OSBPL9: variants seen among roughly 807,000 people sequenced by gnomAD.
OSBPL9 encodes the protein oxysterol-binding protein-related protein 9.
In OSBPL9, 40 loss-of-function variants were observed where a neutral mutation model predicts 106.6. The ratio of observed to expected loss-of-function variants is 0.38; its 90% CI spans 0.29 to 0.49. The LOEUF is 0.49. Among genes scored for constraint, OSBPL9 ranks in the 20% least tolerant of loss-of-function variants. The probability of loss-of-function intolerance (pLI) is 0.97; values close to 1 mark genes in which losing one functional copy is unlikely to be tolerated. For missense variants in OSBPL9, 609 were observed against 887.2 expected, an observed-to-expected ratio of 0.69 and a Z score of 3.98; for synonymous variants, 269 against 295.4, an observed-to-expected ratio of 0.91 and a Z score of 0.92.
chr1:51,596,617 T>TA (rs1158408663), intron 1 of OSBPL9, among the ~76,000 whole-genome samples: 1 of 137,506 alleles, frequency 7.3e-6, no homozygotes, highest in Non-Finnish European at 1.6e-5. Flanking sequence ...CCATCCCTAC[T>TA]AAAAATACAA....
rs1650117728 is a variant in OSBPL9, at chr1:51,672,489, C to T, written c.241+2977C>T. ...TTCCTTTATGCTCCTGTCAGTCAGT[C>T]CCCAGCCCCAGCCCCCGGCCCCAGG... On this transcript the variant is annotated intron_variant, in intron 3 of 23. Coordinates refer to ENST00000428468, the MANE Select transcript of OSBPL9 (RefSeq NM_024586.6). Among the ~76,000 whole-genome samples, 4 of 152,180 alleles carry T rather than the reference C, an allele frequency of 2.6e-5. No homozygotes were observed. In the South Asian group the frequency reaches 8.3e-4, roughly 32 times the overall value.
At chr1:51,732,970 T>G (rs1399993054) in intron 4 of OSBPL9, among the ~76,000 whole-genome samples, 2 of 152,230 alleles carry the variant, frequency 1.3e-5, no homozygotes, top group Non-Finnish European at 2.9e-5. Context: ...GTTATTTGTC[T>G]TTTCACAGCC....
intron 2 of OSBPL9, among the ~76,000 whole-genome samples, chr1:51,612,088 C>T (rs1317203215): frequency 7.2e-5 from 11 of 152,232 alleles, no homozygotes; most frequent in Non-Finnish European, 1.2e-4. Context: ...ACTCCCTCCT[C>T]ATTTAATTCC....
At chr1:51,678,927 G>A (rs964254278) in intron 3 of OSBPL9, among the ~76,000 whole-genome samples, 1 of 152,170 alleles carries the variant, frequency 6.6e-6, no homozygotes, top group African/African-American at 2.4e-5. Flanking sequence ...GCCATTATCA[G>A]TAGGACTGTT....
intron 4 of OSBPL9, among the ~76,000 whole-genome samples, chr1:51,720,841 A>G (rs1571316171): frequency 8.1e-6 from 1 of 123,026 alleles, no homozygotes; most frequent in African/African-American, 3.2e-5. Flanking sequence ...TCTGTTTCCC[A>G]GGTTGGAGTA....
chr1:51,722,429 GCCT>G (rs1257533659), intron 4 of OSBPL9, among the ~76,000 whole-genome samples: 1 of 152,078 alleles, frequency 6.6e-6, no homozygotes, highest in Non-Finnish European at 1.5e-5. Context: ...CAAAAATATG[GCCT>G]CCTGTCATTG....
intron 4 of OSBPL9, among the ~76,000 whole-genome samples, chr1:51,738,636 T>C (rs779043137): frequency 1.9e-4 from 29 of 152,164 alleles, no homozygotes; most frequent in Non-Finnish European, 1.9e-4. Context: ...TTGTCTGTTA[T>C]TCATTTCTTT....
chr1:51,787,230 G>C lies in OSBPL9; in HGVS notation c.2001-123G>C. ...CTTACTCCAGTGCCCTGGTGCCAGC[G>C]TAAGGAGATTTAGTCTGTGACCTAC... is the stretch of plus-strand genomic sequence containing the variant. On this transcript the variant is annotated intron_variant, in intron 22 of 23. Transcript: ENST00000428468. 3 of 915,898 alleles carry C rather than the reference G, an allele frequency of 3.3e-6. No individual in the cohort carries two copies. The South Asian group carries it at 4.8e-5, about 15-fold the overall frequency. The allele number at this position is 915,898 out of a possible 1,614,324, so 56.7% of individuals were successfully genotyped here. A position where few individuals can be genotyped will look rare whatever the true frequency, so the allele number is the denominator to read the frequency against.
chr1:51,597,412 T>TATAC (rs1645305035), intron 1 of OSBPL9, among the ~76,000 whole-genome samples: 1 of 94,668 alleles, frequency 1.1e-5, no homozygotes, highest in Non-Finnish European at 2.6e-5. Context: ...TATGTGTGTA[T>TATAC]ATATATATAT....
At chr1:51,603,611 C>G (rs1645333645) in intron 2 of OSBPL9, among the ~76,000 whole-genome samples, 1 of 152,220 alleles carries the variant, frequency 6.6e-6, no homozygotes, top group African/African-American at 2.4e-5. Context: ...GTTCTGGTCT[C>G]TAAGAGTCCT....
At chr1:51,751,656 A>G (rs1159602226) in intron 8 of OSBPL9, among the ~76,000 whole-genome samples, 1 of 152,186 alleles carries the variant, frequency 6.6e-6, no homozygotes, top group Non-Finnish European at 1.5e-5. Context: ...TTGAGTGACT[A>G]GGTATTTTAG....
intron 8 of OSBPL9, among the ~76,000 whole-genome samples, chr1:51,753,047 G>A (rs1022413674): frequency 2.6e-5 from 4 of 152,080 alleles, no homozygotes; most frequent in Admixed American, 6.5e-5. Flanking sequence ...ACTTTTAATG[G>A]TTGCATGGTT....
Position 51,772,670 on chromosome 1 carries a change from A to G in OSBPL9, c.1117A>G (p.Ser373Gly). 6.2e-7 allele frequency: 1 copy of G among 1,614,170 alleles called. No homozygotes were observed. Among genetic ancestry groups the G allele is most frequent in the Non-Finnish European group, 8.5e-7 (1 of 1,180,038 alleles). Residue 373 changes from serine (S) to glycine (G), a missense_variant, in exon 14 of 24, where the codon AGC becomes GGC. By Grantham distance (56) the Ser-to-Gly change is moderately conservative. This residue lies in a region of OSBPL9 where 356 missense variants were observed against 505.8 expected (regional missense o/e 0.70). Transcript: ENST00000428468. The part of the protein sequence containing the change: ...AEAGSVEEHK[S>G]VIMHLLSQVR... ...GGCAGGGTCTGTGGAGGAGCACAAG[A>G]GCGTTATCATGCATCTCTTGTCGCA...
chr1:51,657,830 G>T (rs560055981), intron 2 of OSBPL9, among the ~76,000 whole-genome samples: 1 of 152,196 alleles, frequency 6.6e-6, no homozygotes, highest in Non-Finnish European at 1.5e-5. Context: ...GGGCTTGGTG[G>T]CTCATGCCTG....
At chr1:51,655,774 C>G (rs939147959) in intron 2 of OSBPL9, among the ~76,000 whole-genome samples, 9 of 152,168 alleles carry the variant, frequency 5.9e-5, no homozygotes, top group African/African-American at 1.9e-4. Context: ...CATAAGCTTC[C>G]TGAGCTTTAG....
chr1:51,756,262 C>T, intron 8 of OSBPL9, 58 bp from the exon 9 acceptor site: 3 of 1,421,580 alleles, frequency 2.1e-6, no homozygotes, highest in East Asian at 2.3e-5. Context: ...AGGAGAAATA[C>T]ACAAGGAGTT....
intron 1 of OSBPL9, among the ~76,000 whole-genome samples, chr1:51,648,755 T>C (rs1457505262): frequency 6.6e-6 from 1 of 152,200 alleles, no homozygotes; most frequent in African/African-American, 2.4e-5. Context: ...TTACTTGATA[T>C]CCCTAGTGTC....
intron 3 of OSBPL9, among the ~76,000 whole-genome samples, chr1:51,680,990 G>A (rs988504752): frequency 6.6e-6 from 1 of 152,006 alleles, no homozygotes; most frequent in Admixed American, 6.6e-5. Context: ...ATTTTGATGT[G>A]TTTGTTTACT....
At chr1:51,606,223 T>G (rs1304861473) in intron 2 of OSBPL9, among the ~76,000 whole-genome samples, 1 of 152,192 alleles carries the variant, frequency 6.6e-6, no homozygotes, top group East Asian at 1.9e-4. Flanking sequence ...CAGGCTGGTT[T>G]AGGCGCCCCT....
Sources: allele counts gnomAD v4.1 joint callset (sites outside exome capture counted in the v4.1 genomes callset), GRCh38; gene constraint gnomAD v4.1.1; regional missense constraint gnomAD v4.1.1; transcripts MANE v1.5; gene names NCBI Gene and HGNC (gene_info 2026-07-23, HGNC 2026-07-21).